BLACAT1: variants seen among roughly 807,000 people sequenced by gnomAD.
BLACAT1 encodes BLACAT1 overlapping LEMD1 locus, also known as bladder cancer associated transcript 1.
At chr1:205,455,822 G>A (rs1246384722) in intron 1 of BLACAT1, 95 bp downstream of exon 1, 1 of 152,310 alleles carries the variant, frequency 6.6e-6, no homozygotes, top group South Asian at 2.1e-4. Context: ...GGGCGGGGAG[G>A]AAAGTCCCCC....
At chr1:205,437,825 A>T (rs746450161), downstream of BLACAT1, 1 of 152,216 alleles carries the variant, frequency 6.6e-6, no homozygotes, top group East Asian at 1.9e-4. Context: ...ATTAGTTTCC[A>T]AGCAGGGCTA....
rs562504211 is a variant in BLACAT1, at chr1:205,450,619, C to A, written c.-37+5298G>T. On this transcript the variant is annotated intron_variant, in intron 1 of 1. Coordinates refer to ENST00000629624, the Ensembl canonical transcript of BLACAT1. This position sits in a 1 kb window ranked among gnomAD's most constrained non-coding sequence, Gnocchi z 4.4. ...CTCCACCCACCCTCACCCAGTCCTGCGCTCGGATTCCCAGCCATAGCCTGC... is the reference window on the plus strand; with the variant it reads ...CTCCACCCACCCTCACCCAGTCCTGAGCTCGGATTCCCAGCCATAGCCTGC... 3.9e-5 allele frequency among the ~76,000 whole-genome samples: 6 copies of A among 152,106 alleles called. No individual in the cohort carries two copies. Among genetic ancestry groups the A allele is most frequent in the Non-Finnish European group, 7.4e-5 (5 of 68,024 alleles).
At chr1:205,438,823 C>T (rs1369627545), downstream of BLACAT1, among the ~76,000 whole-genome samples, 1 of 152,082 alleles carries the variant, frequency 6.6e-6, no homozygotes, top group Non-Finnish European at 1.5e-5. Flanking sequence ...GGAGTTCTCC[C>T]GGGGGAGGAA....
downstream of BLACAT1, among the ~76,000 whole-genome samples, chr1:205,439,334 G>C (rs1172086356): frequency 6.6e-6 from 1 of 152,224 alleles, no homozygotes; most frequent in African/African-American, 2.4e-5. Context: ...TGGGGGCTAG[G>C]AGGTAGGGGC....
chr1:205,453,196 A>T (rs1666518832), intron 1 of BLACAT1, among the ~76,000 whole-genome samples: 1 of 152,164 alleles, frequency 6.6e-6, no homozygotes, highest in Non-Finnish European at 1.5e-5. Context: ...CTGTGGGTGC[A>T]GTCCCTGGCC....
At chr1:205,449,826 G>C (rs2102478156) in intron 1 of BLACAT1, 1 of 152,548 alleles carries the variant, frequency 6.6e-6, no homozygotes, top group South Asian at 2.1e-4. Flanking sequence ...TCCCTCCCAA[G>C]GGATGCTGGG....
chr1:205,442,824 C>T (rs1369805652), intron 1 of BLACAT1, among the ~76,000 whole-genome samples: 1 of 152,186 alleles, frequency 6.6e-6, no homozygotes, highest in South Asian at 2.1e-4. Flanking sequence ...ATCTCTGGAT[C>T]CCTCCTGTGA....
Position 205,448,221 on chromosome 1 carries a change from C to T in BLACAT1, c.-36-7159G>A. On this transcript the variant is annotated intron_variant, in intron 1 of 1. Coordinates refer to ENST00000629624, the Ensembl canonical transcript of BLACAT1. This position sits in a 1 kb window ranked among gnomAD's most constrained non-coding sequence, Gnocchi z 4.7. ...TTACCAGATCCCGTGATGCCCCACC[C>T]CCAAGCAAAGCCTCCTTCTGGTGCC... The T allele has an allele frequency of 2.1e-6, 1 of 475,770 alleles. No homozygotes were observed. The highest frequency in any genetic ancestry group is 4.4e-6 in the Non-Finnish European group (1 of 226,556). 29.5% of individuals were successfully genotyped at this position (475,770 alleles called of 1,614,324 possible). A position where few individuals can be genotyped will look rare whatever the true frequency, so the allele number is the denominator to read the frequency against.
rs1221326496 is a variant in BLACAT1 at position 205,450,584 on chromosome 1, G to A, written c.-37+5333C>T. On this transcript the variant is annotated intron_variant, in intron 1 of 1. Transcript: ENST00000629624. This position sits in a 1 kb window ranked among gnomAD's most constrained non-coding sequence, Gnocchi z 4.4. The stretch of plus-strand genomic sequence containing the variant: ...CATTTCCTTTCTCAGACCTGCTCGA[G>A]CCTGGCCCCCTCCACCCACCCTCAC... 1.3e-5 allele frequency among the ~76,000 whole-genome samples: 2 copies of A among 151,936 alleles called. No individual in the cohort carries two copies. Among genetic ancestry groups the A allele is most frequent in the African/African-American group, 2.4e-5 (1 of 41,312 alleles).
chr1:205,447,175 T>C (rs1053138383), intron 1 of BLACAT1, among the ~76,000 whole-genome samples: 2 of 152,196 alleles, frequency 1.3e-5, no homozygotes, highest in Non-Finnish European at 2.9e-5. Flanking sequence ...TGGGTTCACG[T>C]CCCAGTTGTG....
At position 205,450,224 on chromosome 1, in the gene BLACAT1, A is replaced by G. The variant is rs527469488; in HGVS notation, c.-37+5693T>C. Among the ~76,000 whole-genome samples the G allele has an allele frequency of 1.3e-5, 2 of 150,650 alleles. No homozygotes were observed. Among genetic ancestry groups the G allele is most frequent in the South Asian group, 4.2e-4 (2 of 4,750 alleles). ...TGGCTGTCTGGTCGGTGAAGCACAA[A>G]CCTCTTGTATCTACTGGCTTTTGAT... On this transcript the variant is annotated intron_variant, in intron 1 of 1. Transcript: ENST00000629624. The surrounding 1 kb of genome is among the most constrained non-coding windows in gnomAD (Gnocchi z 4.4).
chr1:205,444,067 T>TAGCGTCTATTTGAGGGGGA (rs1666341848), intron 1 of BLACAT1, among the ~76,000 whole-genome samples: 1 of 152,094 alleles, frequency 6.6e-6, no homozygotes, highest in Non-Finnish European at 1.5e-5. Flanking sequence ...GGGAGGAGTC[T>TAGCGTCTATTTGAGGGGGA]GGACTAGCAC....
intron 1 of BLACAT1, among the ~76,000 whole-genome samples, chr1:205,446,548 C>G (rs1666392457): frequency 6.6e-6 from 1 of 152,238 alleles, no homozygotes; most frequent in Admixed American, 6.5e-5. Context: ...CCCGGGCAAA[C>G]TGAACAACAG....
At position 205,448,745 on chromosome 1, in the gene BLACAT1, C is replaced by T. The variant is rs114517101; in HGVS notation, c.-37+7172G>A. On this transcript the variant is annotated intron_variant, in intron 1 of 1. Coordinates refer to ENST00000629624, the Ensembl canonical transcript of BLACAT1. This position sits in a 1 kb window ranked among gnomAD's most constrained non-coding sequence, Gnocchi z 4.7. ...CTACCCCTTCCCTAGAGAATAAGGC[C>T]GGATCTTTTCAAGGCTGCTGCTGCC... Among the ~76,000 whole-genome samples, 1,258 of 152,206 alleles carry T rather than the reference C, an allele frequency of 8.3e-3. 15 individuals carry two copies. The highest frequency in any genetic ancestry group is 0.014 in the Non-Finnish European group (968 of 68,000).
At chr1:205,446,044 G>T (rs1054444532) in intron 1 of BLACAT1, among the ~76,000 whole-genome samples, 3 of 152,198 alleles carry the variant, frequency 2.0e-5, no homozygotes, top group Non-Finnish European at 4.4e-5. Flanking sequence ...CTGTAAAAAA[G>T]ACTTAGATTG....
At chr1:205,447,037 C>T (rs900797676) in intron 1 of BLACAT1, among the ~76,000 whole-genome samples, 1 of 152,240 alleles carries the variant, frequency 6.6e-6, no homozygotes, top group African/African-American at 2.4e-5. Context: ...ATAGAGATCT[C>T]GTGAGAACAA....
At chr1:205,444,122 C>G (rs542738377) in intron 1 of BLACAT1, among the ~76,000 whole-genome samples, 3 of 152,228 alleles carry the variant, frequency 2.0e-5, no homozygotes, top group African/African-American at 7.2e-5. Context: ...GGGAACTCCC[C>G]TCCCATCCTC....
At chr1:205,443,362 C>G (rs1461341402) in intron 1 of BLACAT1, among the ~76,000 whole-genome samples, 2 of 148,332 alleles carry the variant, frequency 1.3e-5, no homozygotes, top group African/African-American at 5.0e-5. Flanking sequence ...GCAGAATATA[C>G]CCCCTTAAAT....
chr1:205,454,916 G>A (rs746915795), intron 1 of BLACAT1, among the ~76,000 whole-genome samples: 1 of 152,094 alleles, frequency 6.6e-6, no homozygotes, highest in Non-Finnish European at 1.5e-5. Flanking sequence ...AGAAGAATTT[G>A]TTAATGAGGG....
Sources: gnomAD v4.1 joint callset for allele counts (sites outside exome capture counted in the v4.1 genomes callset) on GRCh38, gnomAD v4.1.1 for gene constraint, Gnocchi (gnomAD v3.1) non-coding constraint, MANE v1.5 for transcripts, NCBI Gene and HGNC (gene_info 2026-07-23, HGNC 2026-07-21) for gene names.